The following PDE1A variants were observed in gnomAD, a reference collection of about 807,000 sequenced individuals.
The protein encoded by PDE1A is dual specificity calcium/calmodulin-dependent 3',5'-cyclic nucleotide phosphodiesterase 1A.
PDE1A carries 35 observed loss-of-function variants against 61.7 expected under a neutral mutation model. That is an observed-to-expected ratio of 0.57 (90% CI 0.43 to 0.75). The LOEUF (loss-of-function observed/expected upper bound fraction) is 0.75. Ranked by LOEUF, PDE1A falls within the 30% of genes least tolerant of loss-of-function variation. The pLI is 0.00. For missense variants in PDE1A, 597 were observed against 630.6 expected (o/e 0.95, Z 0.57); for synonymous variants, 232 against 213.2 (o/e 1.09, Z -0.77).
At chr2:182,497,789 T>A (rs1688806067) in intron 2 of PDE1A, among the ~76,000 whole-genome samples, 1 of 151,908 alleles carries the variant, frequency 6.6e-6, no homozygotes, top group Non-Finnish European at 1.5e-5. Flanking sequence ...ACGCCTGTAA[T>A]CCCAGCACTT....
At chr2:182,149,689 G>A (rs1690676878) in intron 13 of PDE1A, among the ~76,000 whole-genome samples, 1 of 152,080 alleles carries the variant, frequency 6.6e-6, no homozygotes. Context: ...AAAAAAAGAA[G>A]TCATTCTGAC....
At chr2:182,186,789 C>T (rs531847752) in intron 11 of PDE1A, among the ~76,000 whole-genome samples, 1 of 152,252 alleles carries the variant, frequency 6.6e-6, no homozygotes, top group Non-Finnish European at 1.5e-5. Flanking sequence ...TAAAATAATA[C>T]TTGAAGCCAT....
the PDE1A span, among the ~76,000 whole-genome samples, chr2:182,561,509 T>C: frequency 2.0e-5 from 3 of 152,312 alleles, no homozygotes; most frequent in Non-Finnish European, 4.4e-5. Flanking sequence ...AGCTTTGTTC[T>C]TTTGGCTTAG....
chr2:182,573,882 A>AT, the PDE1A span, among the ~76,000 whole-genome samples: 1 of 144,310 alleles, frequency 6.9e-6, no homozygotes, highest in Non-Finnish European at 1.5e-5. Flanking sequence ...TATATATATT[A>AT]ATATATATAC....
At chr2:182,449,185 C>G (rs978600372) in intron 2 of PDE1A, among the ~76,000 whole-genome samples, 6 of 151,460 alleles carry the variant, frequency 4.0e-5, no homozygotes, top group Non-Finnish European at 8.8e-5. Flanking sequence ...GATAGCTTAT[C>G]TAACTGTGGA....
rs118012466 is a variant in PDE1A at position 182,218,600 on chromosome 2, T to C, written c.776+5264A>G. On this transcript the variant is annotated intron_variant, in intron 7 of 13. Coordinates refer to ENST00000351439, the Ensembl canonical transcript of PDE1A. ...GTCCCTCATAACCACAATTCTACTCTAGTATAGATATTCTTTATCAAGTTA... is the reference window on the plus strand; with the variant it reads ...GTCCCTCATAACCACAATTCTACTCCAGTATAGATATTCTTTATCAAGTTA... Among the ~76,000 whole-genome samples, 227 of 152,252 alleles carry C rather than the reference T, an allele frequency of 1.5e-3. 5 individuals are homozygous for C. The East Asian group carries it at 0.039, about 26-fold the overall frequency.
chr2:182,236,214 T>A (rs1689998100), intron 3 of PDE1A, among the ~76,000 whole-genome samples: 1 of 152,190 alleles, frequency 6.6e-6, no homozygotes, highest in Non-Finnish European at 1.5e-5. Flanking sequence ...TTTAGAACAG[T>A]TAAAACTAAA....
At chr2:182,527,392 A>G (rs1301964135), upstream of PDE1A, among the ~76,000 whole-genome samples, 1 of 132,018 alleles carries the variant, frequency 7.6e-6, no homozygotes, top group Non-Finnish European at 1.6e-5. Context: ...ATATATACAC[A>G]CATATATATA....
At chr2:182,619,369 G>T in the PDE1A span, among the ~76,000 whole-genome samples, 2 of 152,096 alleles carry the variant, frequency 1.3e-5, no homozygotes, top group African/African-American at 4.8e-5. Context: ...TGAGGAAAGA[G>T]CAAAAGCTCT....
chr2:182,657,997 T>C, the PDE1A span, among the ~76,000 whole-genome samples: 2 of 130,032 alleles, frequency 1.5e-5, no homozygotes, highest in African/African-American at 6.0e-5. Flanking sequence ...AGAACAGTAA[T>C]GACATAATGT....
the PDE1A span, among the ~76,000 whole-genome samples, chr2:182,678,295 C>T: frequency 7.2e-5 from 11 of 152,140 alleles, no homozygotes; most frequent in African/African-American, 1.9e-4. Context: ...TGGTGGTGGG[C>T]GCCTGTAATC....
chr2:182,697,510 C>G, the PDE1A span, among the ~76,000 whole-genome samples: 1 of 152,286 alleles, frequency 6.6e-6, no homozygotes, highest in East Asian at 1.9e-4. Flanking sequence ...AAGTGCCTGA[C>G]CTGATTGGAT....
the PDE1A span, among the ~76,000 whole-genome samples, chr2:182,699,705 T>G: frequency 6.6e-6 from 1 of 152,228 alleles, no homozygotes; most frequent in South Asian, 2.1e-4. Context: ...TATTTCTGTA[T>G]AAAGAACAAG....
the PDE1A span, among the ~76,000 whole-genome samples, chr2:182,588,480 C>T: frequency 1.3e-5 from 2 of 152,182 alleles, no homozygotes; most frequent in African/African-American, 4.8e-5. Context: ...TCCCCTGAAA[C>T]TCTTATTACT....
intron 1 of PDE1A, among the ~76,000 whole-genome samples, chr2:182,294,193 T>G (rs771784123): frequency 6.6e-6 from 1 of 152,202 alleles, no homozygotes; most frequent in Non-Finnish European, 1.5e-5. Flanking sequence ...TGACCACACT[T>G]AACTGAAACC....
chr2:182,682,516 G>A, the PDE1A span, among the ~76,000 whole-genome samples: 1 of 152,114 alleles, frequency 6.6e-6, no homozygotes, highest in Non-Finnish European at 1.5e-5. Flanking sequence ...TGGGACTCCT[G>A]AGAGTTCATT....
the PDE1A span, among the ~76,000 whole-genome samples, chr2:182,670,445 G>C: frequency 6.6e-6 from 1 of 152,116 alleles, no homozygotes; most frequent in African/African-American, 2.4e-5. Context: ...AGCTCTCCAA[G>C]CTATTCTCAT....
chr2:182,220,571 C>G (rs1688630926), intron 7 of PDE1A, among the ~76,000 whole-genome samples: 1 of 152,098 alleles, frequency 6.6e-6, no homozygotes, highest in South Asian at 2.1e-4. Context: ...AAGAAAAGAA[C>G]AGACTCTGAG....
chr2:182,602,996 T>TACAC, the PDE1A span, among the ~76,000 whole-genome samples: 1 of 54,584 alleles, frequency 1.8e-5, no homozygotes, highest in Non-Finnish European at 3.9e-5. Flanking sequence ...CACACACACA[T>TACAC]ACATACATAC....
Sources: allele counts gnomAD v4.1 joint callset (sites outside exome capture counted in the v4.1 genomes callset), GRCh38; gene constraint gnomAD v4.1.1; transcripts MANE v1.5; gene names NCBI Gene and HGNC (gene_info 2026-07-23, HGNC 2026-07-21).